NEB: variants seen among roughly 807,000 people sequenced by gnomAD.
NEB encodes nemaline myopathy type 2.
NEB carries 512 observed loss-of-function variants against 952.2 expected under a neutral mutation model. The observed-to-expected ratio is 0.54, with a 90% confidence interval of 0.50 to 0.58. The LOEUF (loss-of-function observed/expected upper bound fraction) is 0.58. Ranked by LOEUF, NEB falls within the 20% of genes least tolerant of loss-of-function variation. The pLI is 0.00. For missense variants in NEB, 8,428 were observed against 9,231.1 expected, an observed-to-expected ratio of 0.91 and a Z score of 3.56; for synonymous variants, 2,900 against 3,149.8, an observed-to-expected ratio of 0.92 and a Z score of 2.66.
At chr2:151,689,830 A>G (rs1047116320) in intron 24 of NEB, 1 of 152,206 alleles carries the variant, frequency 6.6e-6, no homozygotes. Flanking sequence ...GATGCTCAGA[A>G]AAGTGGCACA....
Position 151,640,783 on chromosome 2 carries a change from T to G in NEB, c.8374-117A>C, listed in dbSNP as rs553897657. On this transcript the variant is annotated intron_variant, in intron 60 of 181. Coordinates refer to ENST00000397345, the MANE Select transcript of NEB (RefSeq NM_001164508.2). ...ATTTTCCCTGAATATGTAAATTATA[T>G]GATAGATGTAGAAACAATTTAGAAA... is the stretch of plus-strand genomic sequence containing the variant. 1.3e-4 allele frequency: 119 copies of G among 932,934 alleles called. 1 individual carries two copies. The Admixed American group carries it at 3.3e-3, about 26-fold the overall frequency. The allele number at this position is 932,934 out of a possible 1,614,324, so 57.8% of individuals were successfully genotyped here. A position where few individuals can be genotyped will look rare whatever the true frequency, so the allele number is the denominator to read the frequency against.
chr2:151,577,481 C>T (rs2096915738), intron 105 of NEB, among the ~76,000 whole-genome samples: 2 of 152,222 alleles, frequency 1.3e-5, no homozygotes, highest in African/African-American at 4.8e-5. Flanking sequence ...GATCTCTCTT[C>T]ATAGCACCAT....
In NEB at chr2:151,522,064, G is replaced by A. The variant is rs539177919; in HGVS notation, c.22479+2247C>T. Among the ~76,000 whole-genome samples, 251 of 152,244 alleles carry A rather than the reference G, an allele frequency of 1.6e-3. 1 individual carries two copies. Among genetic ancestry groups the A allele is most frequent in the Non-Finnish European group, 2.5e-3 (170 of 68,004 alleles). ...AGGCAACTCTGCAATGCCATGTCTC[G>A]GCAAGTGGCAGCCCCCGGGGTTTAT... On this transcript the variant is annotated intron_variant, in intron 153 of 181. Coordinates refer to ENST00000397345, the MANE Select transcript of NEB (RefSeq NM_001164508.2).
chr2:151,501,425 T>A lies in NEB; in HGVS notation c.23987A>T (p.Glu7996Val), dbSNP rs1312647029. Residue 7996 changes from glutamate to valine, a missense_variant, in exon 168 of 182, where the codon GAG becomes GTG. By Grantham distance (121) the Glu-to-Val change is moderately radical. This residue lies in a region of NEB where 3,374 missense variants were observed against 3,651.5 expected (regional missense o/e 0.92). Transcript: ENST00000397345. ...GTTTTCTTGATTGAGTTTGACTCGC[T>A]CCATCTCAGGAGTGACAGGTAGGGG... ...GTPLPVTPEM[E>V]RVKLNQENFS... is the part of the protein sequence containing the mutation. 4.5e-6 allele frequency: 7 copies of A among 1,549,288 alleles called. No homozygotes were observed. The highest frequency in any genetic ancestry group is 6.1e-6 in the Non-Finnish European group (7 of 1,145,546).
At chr2:151,626,977 A>T (rs2154057721) in intron 70 of NEB, 25 bp downstream of exon 70, 2 of 1,611,648 alleles carry the variant, frequency 1.2e-6, no homozygotes, top group East Asian at 4.5e-5. Context: ...GCCCTGTCTT[A>T]TTTTCCTACA....
In NEB at chr2:151,537,007, C is replaced by A. The variant is rs185384768; in HGVS notation, c.21207+125G>T. On this transcript the variant is annotated intron_variant, in intron 141 of 181. Coordinates refer to ENST00000397345, the MANE Select transcript of NEB (RefSeq NM_001164508.2). The stretch of plus-strand genomic sequence containing the variant: ...AGCAGTGAACAAGTAAGTATGTACT[C>A]AGACTATAAGGTCTAGAAGCCATGA... 1.5e-3 allele frequency: 788 copies of A among 533,662 alleles called. 3 individuals carry two copies. Among genetic ancestry groups the A allele is most frequent in the Middle Eastern group, 0.011 (35 of 3,096 alleles). The allele number at this position is 533,662 out of a possible 1,614,324, so 33.1% of individuals were successfully genotyped here. A position where few individuals can be genotyped will look rare whatever the true frequency, so the allele number is the denominator to read the frequency against.
rs372117694 is a variant in NEB at position 151,503,372 on chromosome 2, G to A, written c.23812C>T (p.Arg7938Cys). ...ACCGAGCTAAAGTTCTCTTGATTGC[G>A]TTTGACTCTCTCAATCTCTGGAGTC... ...TVTPEIERVK[R>C]NQENFSSVLY... Residue 7938 changes from arginine (R) to cysteine (C), a missense_variant, in exon 166 of 182, where the codon CGC becomes TGC. Arg to Cys is a radical substitution (Grantham distance 180). This residue lies in a region of NEB where 3,374 missense variants were observed against 3,651.5 expected (regional missense o/e 0.92). Transcript: ENST00000397345. The A allele has an allele frequency of 1.3e-4, 205 of 1,611,682 alleles. 1 individual carries two copies. Among genetic ancestry groups the A allele is most frequent in the South Asian group, 1.9e-4 (17 of 90,922 alleles).
intron 105 of NEB, among the ~76,000 whole-genome samples, chr2:151,578,250 T>G (rs1387149071): frequency 6.7e-6 from 1 of 149,602 alleles, no homozygotes; most frequent in Non-Finnish European, 1.5e-5. Context: ...CTTAGGTGAG[T>G]TAATGAAAGA....
chr2:151,595,163 A>G (rs2097392354), intron 92 of NEB, among the ~76,000 whole-genome samples: 1 of 141,280 alleles, frequency 7.1e-6, no homozygotes, highest in African/African-American at 2.8e-5. Context: ...GATGAAAATC[A>G]GAGAAGAACG....
chr2:151,604,951 G>C, intron 84 of NEB, 80 bp from the exon 85 acceptor site: 1 of 503,824 alleles, frequency 2.0e-6, no homozygotes, highest in Non-Finnish European at 3.5e-6. Flanking sequence ...AATGGTTTCA[G>C]TATGTTTTCT....
intron 148 of NEB, 76 bp from the exon 149 acceptor site, chr2:151,526,338 G>T: frequency 1.0e-6 from 1 of 984,888 alleles, no homozygotes; most frequent in Non-Finnish European, 1.6e-6. Context: ...CCTCAAACCA[G>T]TAGAACAGCA....
In NEB at chr2:151,612,321, G is replaced by A. The variant is rs757703477; in HGVS notation, c.11670C>T (p.Val3890=). 24 of 1,613,600 alleles carry A rather than the reference G, an allele frequency of 1.5e-5. No homozygotes were observed. The highest frequency in any genetic ancestry group is 1.1e-4 in the South Asian group (10 of 91,060). The part of the protein sequence containing the change: ...IGWVPIGSVE[V]EKVKRAGEIL... ...TTTCTCCAGCTCTCTTCACTTTCTC[G>A]ACCTCTACAGAGCCAATGGGAACCC... is the stretch of plus-strand genomic sequence containing the variant. Residue 3890 remains valine (V), a synonymous_variant, in exon 78 of 182, where the codon GTC becomes GTT. Coordinates refer to ENST00000397345, the MANE Select transcript of NEB (RefSeq NM_001164508.2).
chr2:151,634,364 C>T (rs917661990), intron 64 of NEB, among the ~76,000 whole-genome samples: 1 of 152,112 alleles, frequency 6.6e-6, no homozygotes, highest in Admixed American at 6.5e-5. Flanking sequence ...TAAAATGAGG[C>T]TGGGCACGGT....
intron 13 of NEB, among the ~76,000 whole-genome samples, chr2:151,703,134 G>C (rs890502205): frequency 1.4e-5 from 2 of 145,800 alleles, no homozygotes; most frequent in Admixed American, 1.4e-4. Context: ...AGTTTGGCTG[G>C]ATATGAAATT....
rs761224561 is a variant in NEB, at chr2:151,610,503, G to A, written c.12018+13C>T. On this transcript the variant is annotated intron_variant, in intron 80 of 181. Transcript: ENST00000397345. ...CAGTGGAGACCACAGAGAGTTAGATGGAAGGTACTCACGTCACTGGCGATG... is the reference window on the plus strand; with the variant it reads ...CAGTGGAGACCACAGAGAGTTAGATAGAAGGTACTCACGTCACTGGCGATG... 1 of 1,581,394 alleles carries A rather than the reference G, an allele frequency of 6.3e-7. No individual in the cohort carries two copies. Among genetic ancestry groups the A allele is most frequent in the South Asian group, 1.1e-5 (1 of 90,364 alleles).
At chr2:151,563,583 T>C (rs768562242) in intron 119 of NEB, 23 bp downstream of exon 119, 3 of 1,585,062 alleles carry the variant, frequency 1.9e-6, no homozygotes, top group East Asian at 2.2e-5. Flanking sequence ...ACAAATCCCG[T>C]GTTAAAGTGG....
At chr2:151,559,795 T>G (rs1294312301) in intron 124 of NEB, among the ~76,000 whole-genome samples, 2 of 151,644 alleles carry the variant, frequency 1.3e-5, no homozygotes, top group Non-Finnish European at 2.9e-5. Context: ...TCTCAGGGAG[T>G]AGGGGGCTAG....
chr2:151,560,166 T>C (rs1386187858), intron 124 of NEB, among the ~76,000 whole-genome samples: 1 of 152,224 alleles, frequency 6.6e-6, no homozygotes, highest in African/African-American at 2.4e-5. Context: ...TTCTATTTCA[T>C]TGCTATAAAA....
At chr2:151,551,682 C>CA (rs1324543692) in intron 129 of NEB, 56 bp downstream of exon 129, 2 of 1,385,316 alleles carry the variant, frequency 1.4e-6, no homozygotes, top group Non-Finnish European at 2.0e-6. Context: ...AGCTTGCTTC[C>CA]ACAGAGGCTG....
Sources: allele counts gnomAD v4.1 joint callset (sites outside exome capture counted in the v4.1 genomes callset), GRCh38; gene constraint gnomAD v4.1.1; regional missense constraint gnomAD v4.1.1; transcripts MANE v1.5; gene names NCBI Gene and HGNC (gene_info 2026-07-23, HGNC 2026-07-21).